VARS1: variants seen among roughly 807,000 people sequenced by gnomAD.
VARS1 encodes valine--tRNA ligase.
A neutral mutation model predicts 161.0 loss-of-function variants in VARS1; 92 were observed. The ratio of observed to expected loss-of-function variants is 0.57; its 90% CI spans 0.48 to 0.68. The LOEUF is 0.68. Ranked by LOEUF, VARS1 falls within the 30% of genes least tolerant of loss-of-function variation. VARS1 has a pLI of 0.00. For missense variants in VARS1, 1,338 were observed against 1,695.9 expected (o/e 0.79, Z 3.71); for synonymous variants, 595 against 682.5 (o/e 0.87, Z 2.00).
In VARS1 at chr6:31,781,783, A is replaced by G. The variant is rs1215749501; in HGVS notation, c.2348-22T>C. On this transcript the variant is annotated intron_variant, in intron 19 of 29. Transcript: ENST00000375663. This position sits in a 1 kb window ranked among gnomAD's most constrained non-coding sequence, Gnocchi z 6.8. The stretch of plus-strand genomic sequence containing the variant: ...TCATCTGAGAGAGGCCAAAGGTCAG[A>G]GGTCAGAGGGAGTGGAGCTCTGCCC... The G allele has an allele frequency of 3.1e-6, 5 of 1,613,040 alleles. No individual in the cohort carries two copies. Among genetic ancestry groups the G allele is most frequent in the Non-Finnish European group, 4.2e-6 (5 of 1,180,014 alleles).
chr6:31,792,650 G>T, intron 4 of VARS1, 107 bp downstream of exon 4: 1 of 1,592,490 alleles, frequency 6.3e-7, no homozygotes. Context: ...CTCCTCTCCC[G>T]CAGGACCCTG....
At position 31,780,022 on chromosome 6, in the gene VARS1, G is replaced by C; in HGVS notation, c.3057C>G (p.Leu1019=). Residue 1019 remains leucine, a synonymous_variant, in exon 26 of 30, where the codon CTC becomes CTG. Coordinates refer to ENST00000375663, the MANE Select transcript of VARS1 (RefSeq NM_006295.3). The surrounding 1 kb of genome is among the most constrained non-coding windows in gnomAD (Gnocchi z 5.1). ...CCAAGTAGACATCACAGAGCTCATA[G>C]AGCCAGAAGCTGTACTGGGCAGTGG... ...AVTTAQYSFW[L]YELCDVYLEC... 3 of 1,614,046 alleles carry C rather than the reference G, an allele frequency of 1.9e-6. No homozygotes were observed. The highest frequency in any genetic ancestry group is 2.5e-6 in the Non-Finnish European group (3 of 1,180,022).
rs1163907651 is a variant in VARS1, at chr6:31,785,262, C to T, written c.1331G>A (p.Cys444Tyr). The T allele has an allele frequency of 3.5e-5, 57 of 1,612,974 alleles. No individual in the cohort carries two copies. The highest frequency in any genetic ancestry group is 4.3e-5 in the Non-Finnish European group (51 of 1,180,030). The stretch of plus-strand genomic sequence containing the variant: ...CCCACGCACAGGGTCCATGGTGAAA[C>T]AGGCTCGATCCCAGTCCAAGGAGCT... Reference protein sequence around the residue: ...LGSSLDWDRACFTMDPKLSAA... With the variant: ...LGSSLDWDRAYFTMDPKLSAA... The change falls in exon 10 of 30, where the codon TGT becomes TAT. Residue 444 changes from cysteine (C) to tyrosine (Y), a missense_variant. By Grantham distance (194) the Cys-to-Tyr change is radical. Transcript: ENST00000375663. This position sits in a 1 kb window ranked among gnomAD's most constrained non-coding sequence, Gnocchi z 6.1.
intron 8 of VARS1, among the ~76,000 whole-genome samples, chr6:31,790,666 A>C (rs557930223): frequency 2.7e-5 from 4 of 150,804 alleles, no homozygotes; most frequent in African/African-American, 7.3e-5. Flanking sequence ...ACACTATGAG[A>C]TATTATGGAA....
In VARS1 at chr6:31,777,791, C is replaced by A; in HGVS notation, c.3727-129G>T. On this transcript the variant is annotated intron_variant, in intron 29 of 29. Transcript: ENST00000375663. This position sits in a 1 kb window ranked among gnomAD's most constrained non-coding sequence, Gnocchi z 5.8. The stretch of plus-strand genomic sequence containing the variant: ...TCAGTAGCTCAGAGGAGGCGTGAAC[C>A]TGGCTGGCCTGGCTCCCCACCCATT... 1.0e-6 allele frequency: 1 copy of A among 1,002,198 alleles called. No homozygotes were observed. Among genetic ancestry groups the A allele is most frequent in the South Asian group, 1.5e-5 (1 of 67,508 alleles). The allele number at this position is 1,002,198 out of a possible 1,614,324, so 62.1% of individuals were successfully genotyped here. A position where few individuals can be genotyped will look rare whatever the true frequency, so the allele number is the denominator to read the frequency against.
intron 6 of VARS1, 63 bp from the exon 7 acceptor site, chr6:31,792,034 T>G (rs1336104863): frequency 6.7e-7 from 1 of 1,492,552 alleles, no homozygotes; most frequent in African/African-American, 1.4e-5. Flanking sequence ...GGAGACGTGC[T>G]GGCAGAGAGG....
rs1242501460 is a variant in VARS1, at chr6:31,780,681, G to C, written c.2797+24C>G. 1.2e-6 allele frequency: 2 copies of C among 1,614,004 alleles called. No individual in the cohort carries two copies. The highest frequency in any genetic ancestry group is 4.5e-5 in the East Asian group (2 of 44,894). On this transcript the variant is annotated intron_variant, in intron 24 of 29. Coordinates refer to ENST00000375663, the MANE Select transcript of VARS1 (RefSeq NM_006295.3). This position sits in a 1 kb window ranked among gnomAD's most constrained non-coding sequence, Gnocchi z 5.1. The stretch of plus-strand genomic sequence containing the variant: ...TCACAGAAGGAGGAAGGAGTGGCTG[G>C]GAGGGACGCTTTGGGGGCCATACCC...
chr6:31,779,295 G>T lies in VARS1; in HGVS notation c.3401-3C>A, dbSNP rs749923539. 5.6e-6 allele frequency: 9 copies of T among 1,602,096 alleles called. No homozygotes were observed. In the Admixed American group the frequency reaches 1.2e-4, roughly 21 times the overall value. On this transcript the variant is annotated splice_polypyrimidine_tract_variant and splice_region_variant and intron_variant, in intron 28 of 29. Coordinates refer to ENST00000375663, the MANE Select transcript of VARS1 (RefSeq NM_006295.3). The surrounding 1 kb of genome is among the most constrained non-coding windows in gnomAD (Gnocchi z 9.1). Reference sequence around the variant, plus strand: ...CTCATCCGCCACTTCCAGGAAACCTGCCAGGGAGGGAGAAAGGTGAGGCCT... The same window carrying T: ...CTCATCCGCCACTTCCAGGAAACCTTCCAGGGAGGGAGAAAGGTGAGGCCT...
chr6:31,794,860 C>T lies in VARS1; in HGVS notation c.358G>A (p.Gly120Arg). ...AACGATLPAL[G>R]LRSSAQDPQA... ...GGGTCCTGGGCCGAGCTTCGGAGTC[C>T]CAGGGCCGGCAGCGTTGCTCCACAG... The change falls in exon 2 of 30, where the codon GGA (glycine) becomes AGA (arginine). Residue 120 changes from glycine to arginine, a missense_variant. This residue lies in a region of VARS1 where 902 missense variants were observed against 1,090.3 expected (regional missense o/e 0.83). Transcript: ENST00000375663. The T allele has an allele frequency of 1.9e-6, 3 of 1,608,380 alleles. No homozygotes were observed. The highest frequency in any genetic ancestry group is 1.1e-5 in the South Asian group (1 of 90,898).
Position 31,782,181 on chromosome 6 carries a change from C to T in VARS1, c.2151-4G>A, listed in dbSNP as rs1406022595. On this transcript the variant is annotated splice_region_variant and splice_polypyrimidine_tract_variant and intron_variant, in intron 17 of 29. Transcript: ENST00000375663. This position sits in a 1 kb window ranked among gnomAD's most constrained non-coding sequence, Gnocchi z 8.3. ...CTGCCTGGAAATGCACCACTCCCTG[C>T]AAATGTCGGGGAGGAGAAATCAGGG... is the stretch of plus-strand genomic sequence containing the variant. The T allele has an allele frequency of 3.7e-6, 6 of 1,613,040 alleles. No individual in the cohort carries two copies. In the Admixed American group the frequency reaches 5.0e-5, roughly 13 times the overall value.
chr6:31,795,246 A>C lies in VARS1; in HGVS notation c.-29T>G. The C allele has an allele frequency of 7.1e-7, 1 of 1,401,016 alleles. No homozygotes were observed. The highest frequency in any genetic ancestry group is 1.9e-5 in the South Asian group (1 of 53,196). 86.8% of individuals were successfully genotyped at this position (1,401,016 alleles called of 1,614,324 possible). A position where few individuals can be genotyped will look rare whatever the true frequency, so the allele number is the denominator to read the frequency against. ...TATGAGAAGGTCCGAACGAAGTGGA[A>C]AAACCTAAGGAGAAAGAGAGACAGG... On this transcript the variant is annotated 5_prime_UTR_variant, in exon 2 of 30. Coordinates refer to ENST00000375663, the MANE Select transcript of VARS1 (RefSeq NM_006295.3). This position sits in a 1 kb window ranked among gnomAD's most constrained non-coding sequence, Gnocchi z 6.9.
In VARS1 at chr6:31,779,463, A is replaced by G. The variant is rs777127030; in HGVS notation, c.3362T>C (p.Leu1121Pro). The G allele has an allele frequency of 5.6e-6, 9 of 1,612,420 alleles. No homozygotes were observed. Among genetic ancestry groups the G allele is most frequent in the Non-Finnish European group, 7.6e-6 (9 of 1,179,986 alleles). Reference protein sequence around the residue: ...ALSITRAVRSLRADYNLTRIR... With the variant: ...ALSITRAVRSPRADYNLTRIR... Reference sequence around the variant, plus strand: ...CCGGGTGAGGTTGTAGTCGGCCCGCAGGGAGCGCACGGCTCGCGTGATGCT... The same window carrying G: ...CCGGGTGAGGTTGTAGTCGGCCCGCGGGGAGCGCACGGCTCGCGTGATGCT... The change falls in exon 28 of 30, where the codon CTG (leucine) becomes CCG (proline). Residue 1121 changes from leucine to proline, a missense_variant. This residue lies in a region of VARS1 where 433 missense variants were observed against 586.2 expected (regional missense o/e 0.74). Transcript: ENST00000375663. This position sits in a 1 kb window ranked among gnomAD's most constrained non-coding sequence, Gnocchi z 9.1.
At position 31,784,156 on chromosome 6, in the gene VARS1, T is replaced by A; in HGVS notation, c.1671+58A>T. ...GCCTAAGTCCAACCCCTCCACCCCA[T>A]AAGGATGGGAGCCCTTTTTGGCCAG... is the stretch of plus-strand genomic sequence containing the variant. On this transcript the variant is annotated intron_variant, in intron 13 of 29. Coordinates refer to ENST00000375663, the MANE Select transcript of VARS1 (RefSeq NM_006295.3). The surrounding 1 kb of genome is among the most constrained non-coding windows in gnomAD (Gnocchi z 6.1). 3 of 1,603,558 alleles carry A rather than the reference T, an allele frequency of 1.9e-6. No homozygotes were observed. The highest frequency in any genetic ancestry group is 2.6e-6 in the Non-Finnish European group (3 of 1,172,088).
rs1402493334 is a variant in VARS1 at position 31,781,932 on chromosome 6, C to G, written c.2262G>C (p.Trp754Cys). ...CCTCCGCCTCATTGCGTCCACTCAC[C>G]CAGTACCGCCCATCAGGGTCCTGCC... ...PPGEDPDGRY[W>C]VSGRNEAEAR... Residue 754 changes from tryptophan to cysteine, a missense_variant, in exon 19 of 30, where the codon TGG becomes TGC. By Grantham distance (215) the Trp-to-Cys change is radical. Coordinates refer to ENST00000375663, the MANE Select transcript of VARS1 (RefSeq NM_006295.3). This position sits in a 1 kb window ranked among gnomAD's most constrained non-coding sequence, Gnocchi z 6.8. 1.2e-6 allele frequency: 2 copies of G among 1,613,012 alleles called. No homozygotes were observed. Among genetic ancestry groups the G allele is most frequent in the Admixed American group, 1.7e-5 (1 of 60,028 alleles).
At position 31,795,240 on chromosome 6, in the gene VARS1, A is replaced by C. The variant is rs1814199841; in HGVS notation, c.-23T>G. On this transcript the variant is annotated 5_prime_UTR_variant, in exon 2 of 30. Transcript: ENST00000375663. This position sits in a 1 kb window ranked among gnomAD's most constrained non-coding sequence, Gnocchi z 6.9. ...CATAGTTATGAGAAGGTCCGAACGA[A>C]GTGGAAAAACCTAAGGAGAAAGAGA... The C allele has an allele frequency of 3.6e-6, 5 of 1,402,070 alleles. No homozygotes were observed. The highest frequency in any genetic ancestry group is 1.4e-5 in the African/African-American group (1 of 70,196). The allele number at this position is 1,402,070 out of a possible 1,614,324, so 86.9% of individuals were successfully genotyped here.
chr6:31,784,629 G>C lies in VARS1; in HGVS notation c.1433C>G (p.Ser478Cys). 1 of 1,613,162 alleles carries C rather than the reference G, an allele frequency of 6.2e-7. No individual in the cohort carries two copies. The highest frequency in any genetic ancestry group is 1.1e-5 in the South Asian group (1 of 91,070). Residue 478 changes from serine to cysteine, a missense_variant, in exon 11 of 30, where the codon TCC becomes TGC. Around this residue, in one of 3 missense-constraint regions of VARS1, gnomAD observed 902 missense variants for 1,090.3 expected, o/e 0.83. Transcript: ENST00000375663. This position sits in a 1 kb window ranked among gnomAD's most constrained non-coding sequence, Gnocchi z 6.1. ...AGAGATGGCGGAGTTGAGGGTGCAGGACCAGTTAACAAGGCGGGTACTGCG... is the reference window on the plus strand; with the variant it reads ...AGAGATGGCGGAGTTGAGGGTGCAGCACCAGTTAACAAGGCGGGTACTGCG... Reference protein sequence around the residue: ...IYRSTRLVNWSCTLNSAISDI... With the variant: ...IYRSTRLVNWCCTLNSAISDI...
chr6:31,782,822 G>C lies in VARS1; in HGVS notation c.1786C>G (p.His596Asp). ...CCAACTTCATAGTCATTTTGGTCATGTGCGGGGGTGATCTTCACAGCACCT... is the reference window on the plus strand; with the variant it reads ...CCAACTTCATAGTCATTTTGGTCATCTGCGGGGGTGATCTTCACAGCACCT... ...GTGAVKITPA[H>D]DQNDYEVGQR... Residue 596 changes from histidine (H) to aspartate (D), a missense_variant, in exon 15 of 30, where the codon CAT (histidine) becomes GAT (aspartate). Physicochemically the swap from His to Asp is moderately conservative, Grantham distance 81. Coordinates refer to ENST00000375663, the MANE Select transcript of VARS1 (RefSeq NM_006295.3). This position sits in a 1 kb window ranked among gnomAD's most constrained non-coding sequence, Gnocchi z 8.3. 1 of 1,612,788 alleles carries C rather than the reference G, an allele frequency of 6.2e-7. No homozygotes were observed. Among genetic ancestry groups the C allele is most frequent in the South Asian group, 1.1e-5 (1 of 91,050 alleles).
intron 14 of VARS1, 74 bp downstream of exon 14, chr6:31,783,022 C>A: frequency 6.4e-7 from 1 of 1,569,024 alleles, no homozygotes; most frequent in Non-Finnish European, 8.7e-7. Context: ...TTTTCTTTTT[C>A]TCTGAGAGAA....
In VARS1 at chr6:31,784,200, G is replaced by T; in HGVS notation, c.1671+14C>A. 1 of 1,614,022 alleles carries T rather than the reference G, an allele frequency of 6.2e-7. No homozygotes were observed. The highest frequency in any genetic ancestry group is 8.5e-7 in the Non-Finnish European group (1 of 1,179,970). On this transcript the variant is annotated intron_variant, in intron 13 of 29. Transcript: ENST00000375663. The surrounding 1 kb of genome is among the most constrained non-coding windows in gnomAD (Gnocchi z 6.1). ...TGGCCAGAACTCCTTCCCTAACTGT[G>T]GACAGTCCCCCACCTGGTATCTGGT...
Sources: allele counts gnomAD v4.1 joint callset (sites outside exome capture counted in the v4.1 genomes callset), GRCh38; gene constraint gnomAD v4.1.1; regional missense constraint gnomAD v4.1.1; non-coding constraint Gnocchi (gnomAD v3.1); transcripts MANE v1.5; gene names NCBI Gene and HGNC (gene_info 2026-07-23, HGNC 2026-07-21).